Variants in ZNF536 observed in about 807,000 individuals in gnomAD.
The protein encoded by ZNF536 is zinc finger protein 536.
In ZNF536, 13 loss-of-function variants were observed where a neutral mutation model predicts 84.5. The ratio of observed to expected loss-of-function variants is 0.15; its 90% CI spans 0.10 to 0.24. The LOEUF is 0.24. Among genes scored for constraint, ZNF536 ranks in the 10% least tolerant of loss-of-function variants. ZNF536 has a pLI of 1.00. For synonymous variants in ZNF536, 811 were observed against 742.5 expected, an observed-to-expected ratio of 1.09 and a Z score of -1.50; for missense variants, 1,536 against 1,747.5, an observed-to-expected ratio of 0.88 and a Z score of 2.16.
At chr19:30,635,494 G>A (rs1028793840) in intron 1 of ZNF536, among the ~76,000 whole-genome samples, 4 of 152,164 alleles carry the variant, frequency 2.6e-5, no homozygotes, top group African/African-American at 9.7e-5. Flanking sequence ...TTCTTGCAAG[G>A]CACTCTCTTG....
At chr19:30,637,074 G>A (rs1223769674) in intron 1 of ZNF536, among the ~76,000 whole-genome samples, 1 of 152,234 alleles carries the variant, frequency 6.6e-6, no homozygotes, top group African/African-American at 2.4e-5. Flanking sequence ...TGAACATCCA[G>A]TGTCTTCCTG....
intron 1 of ZNF536, among the ~76,000 whole-genome samples, chr19:30,585,973 A>G (rs1367827740): frequency 3.9e-5 from 6 of 152,188 alleles, no homozygotes; most frequent in African/African-American, 1.4e-4. Context: ...AGAAACATAC[A>G]CTGAGCTCAT....
chr19:30,466,560 TAGAAAGAA>T (rs753514602), intron 2 of ZNF536, among the ~76,000 whole-genome samples: 3 of 116,638 alleles, frequency 2.6e-5, no homozygotes, highest in Non-Finnish European at 5.0e-5. Flanking sequence ...GAAACCCTGT[TAGAAAGAA>T]AGAAAGAAAG....
chr19:30,375,954 T>C (rs569308586), intron 1 of ZNF536, among the ~76,000 whole-genome samples: 35 of 152,200 alleles, frequency 2.3e-4, no homozygotes, highest in Admixed American at 1.4e-3. Context: ...GCACGTGTGT[T>C]TGAGGTTTGT....
intron 1 of ZNF536, among the ~76,000 whole-genome samples, chr19:30,437,387 G>A (rs2051799522): frequency 6.6e-6 from 1 of 152,158 alleles, no homozygotes; most frequent in Non-Finnish European, 1.5e-5. Flanking sequence ...CACCATCAAA[G>A]GCAGCTGAAT....
intron 1 of ZNF536, among the ~76,000 whole-genome samples, chr19:30,247,188 G>A (rs1394505738): frequency 2.6e-5 from 4 of 152,228 alleles, no homozygotes; most frequent in Non-Finnish European, 5.9e-5. Flanking sequence ...GTATTCAAGG[G>A]CACCCCCGGT....
chr19:30,635,109 G>A (rs947847052), intron 1 of ZNF536, among the ~76,000 whole-genome samples: 4 of 151,866 alleles, frequency 2.6e-5, no homozygotes, highest in South Asian at 2.1e-4. Context: ...TGCCCCACAC[G>A]CGCATGTTTA....
intron 1 of ZNF536, among the ~76,000 whole-genome samples, chr19:30,667,853 C>T (rs1177212910): frequency 6.6e-6 from 1 of 151,968 alleles, no homozygotes; most frequent in Non-Finnish European, 1.5e-5. Context: ...GTGCTAAGAA[C>T]TATGCTGTGA....
intron 2 of ZNF536, among the ~76,000 whole-genome samples, chr19:30,488,371 G>A (rs1049535142): frequency 6.6e-6 from 1 of 152,036 alleles, no homozygotes; most frequent in Non-Finnish European, 1.5e-5. Flanking sequence ...GGAAGTGCCC[G>A]TTGCACCCTG....
chr19:30,337,380 C>A (rs1323332413), intron 2 of ZNF536, among the ~76,000 whole-genome samples: 1 of 152,214 alleles, frequency 6.6e-6, no homozygotes, highest in Admixed American at 6.5e-5. Flanking sequence ...TTTAGCTTGG[C>A]CACCCCTTTA....
chr19:30,627,468 CAAAAAAAAAAAAAAAAAA>C (rs569312789), intron 1 of ZNF536, among the ~76,000 whole-genome samples: 9 of 52,024 alleles, frequency 1.7e-4, no homozygotes, highest in African/African-American at 8.5e-4. Context: ...AAGGCCCTGT[CAAAAAAAAAAAAAAAAAA>C]AAAAAAAAAA....
chr19:30,415,555 T>A (rs963174497), intron 1 of ZNF536, among the ~76,000 whole-genome samples: 2 of 150,996 alleles, frequency 1.3e-5, no homozygotes, highest in Non-Finnish European at 2.9e-5. Flanking sequence ...TTTCTCAGTC[T>A]ACAGACTGAA....
intron 2 of ZNF536, among the ~76,000 whole-genome samples, chr19:30,460,651 C>G (rs2053090676): frequency 6.6e-6 from 1 of 152,174 alleles, no homozygotes; most frequent in South Asian, 2.1e-4. Context: ...AGCCAAATGA[C>G]ATATCCTTCC....
intron 1 of ZNF536, among the ~76,000 whole-genome samples, chr19:30,666,127 C>G (rs181815590): frequency 5.9e-5 from 9 of 152,334 alleles, no homozygotes; most frequent in Admixed American, 3.3e-4. Flanking sequence ...AGGTGCCTAT[C>G]TGCAGACATG....
rs2046012968 is a variant in ZNF536 at position 30,557,651 on chromosome 19, T to C, written c.*487T>C. The C allele has an allele frequency of 6.5e-6, 1 of 152,782 alleles. No homozygotes were observed. The allele number at this position is 152,782 out of a possible 1,614,324, so 9.5% of individuals were successfully genotyped here. Reference sequence around the variant, plus strand: ...AGAATACAGAAAAGTGCAGTAATTCTCTTTCTCCATAGTATTTAAGCAGAA... The same window carrying C: ...AGAATACAGAAAAGTGCAGTAATTCCCTTTCTCCATAGTATTTAAGCAGAA... On this transcript the variant is annotated 3_prime_UTR_variant, in exon 5 of 5. Transcript: ENST00000355537.
At chr19:30,525,662 C>T (rs1488282360) in intron 2 of ZNF536, among the ~76,000 whole-genome samples, 6 of 152,024 alleles carry the variant, frequency 3.9e-5, no homozygotes, top group Admixed American at 2.6e-4. Flanking sequence ...TCCAACAGTG[C>T]GATCAGAGAC....
chr19:30,290,588 C>T (rs1600095837), intron 2 of ZNF536, among the ~76,000 whole-genome samples: 1 of 152,264 alleles, frequency 6.6e-6, no homozygotes, highest in East Asian at 1.9e-4. Context: ...GTTGTTTATC[C>T]ACTCACCCAT....
intron 2 of ZNF536, among the ~76,000 whole-genome samples, chr19:30,325,193 C>T (rs1254006651): frequency 6.6e-6 from 1 of 152,224 alleles, no homozygotes; most frequent in Non-Finnish European, 1.5e-5. Flanking sequence ...GTCCTCCGCA[C>T]TTTGCCTTCT....
intron 1 of ZNF536, among the ~76,000 whole-genome samples, chr19:30,666,754 A>C (rs998523705): frequency 1.8e-4 from 28 of 151,428 alleles, no homozygotes; most frequent in African/African-American, 6.6e-4. Flanking sequence ...TATATATATA[A>C]TATAAATATA....
Sources: gnomAD v4.1 joint callset for allele counts (sites outside exome capture counted in the v4.1 genomes callset) on GRCh38, gnomAD v4.1.1 for gene constraint, MANE v1.5 for transcripts, NCBI Gene and HGNC (gene_info 2026-07-23, HGNC 2026-07-21) for gene names.